Variants in ZNF469 observed in about 807,000 individuals in gnomAD.
The protein encoded by ZNF469 is zinc finger protein 469.
ZNF469 carries 1 observed loss-of-function variant against 1.0 expected under a neutral mutation model. That is an observed-to-expected ratio of 1.00 (90% CI 0.35 to 4.73). The LOEUF (loss-of-function observed/expected upper bound fraction) is 4.73, where lower values mean the gene tolerates loss of function less well. Among genes scored for constraint, ZNF469 ranks in the 30% most tolerant of loss-of-function variants. The pLI, the probability that ZNF469 is intolerant of heterozygous loss-of-function variation, is 0.16. For missense variants in ZNF469, 6,100 were observed against 5,356.3 expected, an observed-to-expected ratio of 1.14 and a Z score of -4.33; for synonymous variants, 2,703 against 2,363.4, an observed-to-expected ratio of 1.14 and a Z score of -4.17.
At chr16:88,113,173 C>T in the ZNF469 span, among the ~76,000 whole-genome samples, 26 of 152,146 alleles carry the variant, frequency 1.7e-4, no homozygotes, top group African/African-American at 6.0e-4. Flanking sequence ...AATGTTTGCC[C>T]AGGTCAATGT....
the ZNF469 span, among the ~76,000 whole-genome samples, chr16:88,272,076 T>C: frequency 6.6e-6 from 1 of 151,662 alleles, no homozygotes; most frequent in Non-Finnish European, 1.5e-5. Context: ...GATGGATAGA[T>C]AAATGGGTGG....
chr16:88,161,681 A>C, the ZNF469 span, among the ~76,000 whole-genome samples: 268 of 152,314 alleles, frequency 1.8e-3, 4 homozygotes, highest in Admixed American at 0.017. Context: ...TATTCAATGA[A>C]TGTTGTGCCA....
upstream of ZNF469, among the ~76,000 whole-genome samples, chr16:88,380,326 TGCACTCACACATGCGCTCACACAC>T (rs2092517916): frequency 1.3e-5 from 1 of 78,632 alleles, no homozygotes; most frequent in African/African-American, 6.6e-5. Context: ...CACTCACACA[TGCACTCACACATGCGCTCACACAC>T]ATGCGCTCAC....
At chr16:88,293,322 A>G in the ZNF469 span, among the ~76,000 whole-genome samples, 1 of 148,534 alleles carries the variant, frequency 6.7e-6, no homozygotes, top group African/African-American at 2.6e-5. Context: ...AATTGGATGG[A>G]TGGATGGATG....
chr16:88,269,348 C>T, the ZNF469 span, among the ~76,000 whole-genome samples: 1 of 152,168 alleles, frequency 6.6e-6, no homozygotes, highest in Admixed American at 6.5e-5. Context: ...GTGGGTGCAC[C>T]CGGACGGCCG....
chr16:88,147,381 C>A, the ZNF469 span, among the ~76,000 whole-genome samples: 1 of 152,042 alleles, frequency 6.6e-6, no homozygotes, highest in Admixed American at 6.5e-5. Context: ...TTGTTTTAGC[C>A]ACAGAGACTG....
Position 88,438,595 on chromosome 16 carries a change from G to A in ZNF469, c.11125G>A (p.Gly3709Arg), listed in dbSNP as rs1040618749. 41 of 1,549,898 alleles carry A rather than the reference G, an allele frequency of 2.6e-5. No homozygotes were observed. In the African/African-American group the frequency reaches 3.3e-4, roughly 12 times the overall value. Residue 3709 changes from glycine (G) to arginine (R), a missense_variant, in exon 3 of 3, where the codon GGG becomes AGG. Gly to Arg is a moderately radical substitution (Grantham distance 125). Transcript: ENST00000565624. Reference protein sequence around the residue: ...PRKAVGSLAPGELARGTENGM... With the variant: ...PRKAVGSLAPRELARGTENGM... ...GAAGGCGGTGGGGAGCCTGGCACCC[G>A]GGGAGCTGGCCCGTGGCACAGAGAA...
At chr16:88,396,675 G>GGGAGGAGACCCTCATGAAGGGAGGCCA (rs1904678905) in intron 1 of ZNF469, among the ~76,000 whole-genome samples, 1 of 130,364 alleles carries the variant, frequency 7.7e-6, no homozygotes. Flanking sequence ...AAGGGAGGCC[G>GGGAGGAGACCCTCATGAAGGGAGGCCA]GGAGGAGACC....
chr16:88,384,528 G>T (rs1001931681), intron 1 of ZNF469, among the ~76,000 whole-genome samples: 1 of 152,238 alleles, frequency 6.6e-6, no homozygotes. Context: ...CCTGGGAGAC[G>T]TGTCTTCCAT....
the ZNF469 span, among the ~76,000 whole-genome samples, chr16:88,169,831 C>T: frequency 2.0e-5 from 3 of 152,224 alleles, no homozygotes; most frequent in Non-Finnish European, 4.4e-5. This position sits in a 1 kb window ranked among gnomAD's most constrained non-coding sequence, Gnocchi z 6.1. Context: ...CATGAGGGTT[C>T]CTGTGGCCCC....
intron 1 of ZNF469, among the ~76,000 whole-genome samples, chr16:88,399,712 A>G (rs1269437421): frequency 6.6e-6 from 1 of 152,206 alleles, no homozygotes; most frequent in Non-Finnish European, 1.5e-5. Flanking sequence ...AGCTGCCCCC[A>G]GCCTCACTCC....
In ZNF469 at chr16:88,427,386, T is replaced by TC; in HGVS notation, c.-84dup. The TC allele has an allele frequency of 7.5e-7, 1 of 1,336,902 alleles. No homozygotes were observed. Among genetic ancestry groups the TC allele is most frequent in the Non-Finnish European group, 9.9e-7 (1 of 1,012,598 alleles). 82.8% of individuals were successfully genotyped at this position (1,336,902 alleles called of 1,614,324 possible). On this transcript the variant is annotated 5_prime_UTR_variant, in exon 3 of 3. An upstream open reading frame in the 5' UTR loses its in-frame stop. Transcript: ENST00000565624. The stretch of plus-strand genomic sequence containing the variant: ...TGAGCGCAGGCTTCCCTGGGGCCCA[T>TC]CGAGGGCTGAGGATGGCCGTCCAGC...
the ZNF469 span, among the ~76,000 whole-genome samples, chr16:88,141,765 G>T: frequency 6.6e-6 from 1 of 152,338 alleles, no homozygotes; most frequent in Middle Eastern, 3.4e-3. Context: ...GGCAATGGCA[G>T]CAGAGGTCGT....
At chr16:88,271,400 C>G in the ZNF469 span, among the ~76,000 whole-genome samples, 15 of 133,538 alleles carry the variant, frequency 1.1e-4, 4 homozygotes, top group Admixed American at 5.7e-4. Flanking sequence ...GTGGCCTAGA[C>G]TAGAACAGCC....
chr16:88,369,359 G>C, the ZNF469 span, among the ~76,000 whole-genome samples: 1 of 152,240 alleles, frequency 6.6e-6, no homozygotes, highest in Non-Finnish European at 1.5e-5. Flanking sequence ...AAGCCCCATT[G>C]CTTCTTCCCA....
the ZNF469 span, among the ~76,000 whole-genome samples, chr16:88,203,002 A>ACAGTGC: frequency 6.6e-6 from 1 of 152,210 alleles, no homozygotes; most frequent in Admixed American, 6.5e-5. Context: ...GAATCCAGGT[A>ACAGTGC]CAGTGCTCAG....
chr16:88,131,581 T>C, the ZNF469 span, among the ~76,000 whole-genome samples: 14 of 152,368 alleles, frequency 9.2e-5, no homozygotes, highest in Admixed American at 7.2e-4. Context: ...GAAGGTCTTA[T>C]GTTTCCCCAT....
At position 88,431,424 on chromosome 16, in the gene ZNF469, C is replaced by A. The variant is rs760206158; in HGVS notation, c.3954C>A (p.Asp1318Glu). ...CCCCAGTCTCCCACAACAGCAAGGACCCCCCTGCCCGCCAGCCTGGAGAAT... is the reference window on the plus strand; with the variant it reads ...CCCCAGTCTCCCACAACAGCAAGGAACCCCCTGCCCGCCAGCCTGGAGAAT... ...TQAPVSHNSK[D>E]PPARQPGEFL... Residue 1318 changes from aspartate (D) to glutamate (E), a missense_variant, in exon 3 of 3, where the codon GAC becomes GAA. Coordinates refer to ENST00000565624, the MANE Select transcript of ZNF469 (RefSeq NM_001367624.2). 2.8e-5 allele frequency: 43 copies of A among 1,550,118 alleles called. No homozygotes were observed. The Admixed American group carries it at 8.2e-4, about 30-fold the overall frequency.
At chr16:88,383,563 GC>G (rs2092530725) in intron 1 of ZNF469, among the ~76,000 whole-genome samples, 1 of 150,266 alleles carries the variant, frequency 6.7e-6, no homozygotes, top group African/African-American at 2.4e-5. Context: ...TTTGGGAAGC[GC>G]CCGGGCAACG....
Sources: allele counts gnomAD v4.1 joint callset (sites outside exome capture counted in the v4.1 genomes callset), GRCh38; gene constraint gnomAD v4.1.1; non-coding constraint Gnocchi (gnomAD v3.1); transcripts MANE v1.5; gene names NCBI Gene and HGNC (gene_info 2026-07-23, HGNC 2026-07-21).